The following CACNA1E variants were observed in gnomAD, a reference collection of about 807,000 sequenced individuals.
The protein encoded by CACNA1E is voltage-dependent R-type calcium channel subunit alpha-1E.
In CACNA1E, 40 loss-of-function variants were observed where a neutral mutation model predicts 259.2. That is an observed-to-expected ratio of 0.15 (90% CI 0.12 to 0.20). The LOEUF (loss-of-function observed/expected upper bound fraction) is 0.20. Ranked by LOEUF, CACNA1E falls within the 10% of genes least tolerant of loss-of-function variation. The pLI, the probability that CACNA1E is intolerant of heterozygous loss-of-function variation, is 1.00. For synonymous variants in CACNA1E, 1,104 were observed against 1,138.5 expected, an observed-to-expected ratio of 0.97 and a Z score of 0.61; for missense variants, 1,874 against 3,040.1, an observed-to-expected ratio of 0.62 and a Z score of 9.02.
At chr1:181,351,468 A>C (rs900104564) in intron 1 of CACNA1E, among the ~76,000 whole-genome samples, 4 of 152,210 alleles carry the variant, frequency 2.6e-5, no homozygotes, top group Non-Finnish European at 4.4e-5. Context: ...TGGATGTTGT[A>C]TTCATTTCCT....
chr1:181,369,328 C>T (rs527552091), intron 1 of CACNA1E, among the ~76,000 whole-genome samples: 73 of 152,226 alleles, frequency 4.8e-4, no homozygotes, highest in Non-Finnish European at 9.0e-4. Context: ...TCTTCGGGCT[C>T]TGTTTCTTGG....
chr1:181,721,197 T>C (rs1010163996), intron 15 of CACNA1E, among the ~76,000 whole-genome samples: 1 of 152,192 alleles, frequency 6.6e-6, no homozygotes, highest in Non-Finnish European at 1.5e-5. Flanking sequence ...TAATGAGGTA[T>C]CCATTAAATG....
chr1:181,663,751 A>G (rs1647921569), intron 7 of CACNA1E, among the ~76,000 whole-genome samples: 1 of 152,248 alleles, frequency 6.6e-6, no homozygotes, highest in East Asian at 1.9e-4. Context: ...ACAGACAAGT[A>G]ATTATGATAG....
Position 181,442,334 on chromosome 1 carries a change from G to A in CACNA1E, c.434+28754G>A, listed in dbSNP as rs142582639. The stretch of plus-strand genomic sequence containing the variant: ...GAGGGGCCAGGTGTGATGGGCACAG[G>A]TATGAGGGACAGGTGTGAGGGACAC... On this transcript the variant is annotated intron_variant, in intron 2 of 11. Coordinates refer to the CACNA1E transcript ENST00000524607. Among the ~76,000 whole-genome samples the A allele has an allele frequency of 2.3e-4, 34 of 149,738 alleles. No homozygotes were observed. The East Asian group carries it at 6.6e-3, about 29-fold the overall frequency.
intron 2 of CACNA1E, among the ~76,000 whole-genome samples, chr1:181,417,161 A>G (rs1658333010): frequency 6.6e-6 from 1 of 152,082 alleles, no homozygotes. Context: ...ATCTTACTGC[A>G]TCCACAAGAC....
At position 181,783,719 on chromosome 1, in the gene CACNA1E, C is replaced by T. The variant is rs750198669; in HGVS notation, c.5405C>T (p.Thr1802Met). 3.1e-6 allele frequency: 5 copies of T among 1,612,064 alleles called. No individual in the cohort carries two copies. The highest frequency in any genetic ancestry group is 4.2e-6 in the Non-Finnish European group (5 of 1,178,860). The change falls in exon 40 of 48, where the codon ACG becomes ATG. Residue 1802 changes from threonine to methionine, a missense_variant. Physicochemically the swap from Thr to Met is moderately conservative, Grantham distance 81 (BLOSUM62 -1). Coordinates refer to ENST00000367573, the MANE Select transcript of CACNA1E (RefSeq NM_001205293.3). Reference protein sequence around the residue: ...LMNMPVAEDMTVHFTSTLMAL... With the variant: ...LMNMPVAEDMMVHFTSTLMAL... ...AACATGCCAGTAGCTGAGGACATGACGGTCCACTTCACCTCCACACTTATG... is the reference window on the plus strand; with the variant it reads ...AACATGCCAGTAGCTGAGGACATGATGGTCCACTTCACCTCCACACTTATG...
intron 6 of CACNA1E, among the ~76,000 whole-genome samples, chr1:181,635,331 A>G (rs1285528416): frequency 6.6e-6 from 1 of 152,032 alleles, no homozygotes; most frequent in Non-Finnish European, 1.5e-5. Context: ...GAGATCATGA[A>G]CCCATTTGAT....
Position 181,776,033 on chromosome 1 carries a change from C to G in CACNA1E, c.5140-68C>G. The G allele has an allele frequency of 6.7e-7, 1 of 1,482,928 alleles. No homozygotes were observed. Among genetic ancestry groups the G allele is most frequent in the Non-Finnish European group, 9.2e-7 (1 of 1,081,712 alleles). The allele number at this position is 1,482,928 out of a possible 1,614,324, so 91.9% of individuals were successfully genotyped here. On this transcript the variant is annotated intron_variant, in intron 37 of 47. Coordinates refer to ENST00000367573, the MANE Select transcript of CACNA1E (RefSeq NM_001205293.3). This position sits in a 1 kb window ranked among gnomAD's most constrained non-coding sequence, Gnocchi z 4.4. ...AACACCCTCCTCCATGCCCTGAAGC[C>G]TGTTCTTCTGCTTCCTGAGCTCTGC... is the stretch of plus-strand genomic sequence containing the variant.
At chr1:181,635,259 C>G (rs933419232) in intron 6 of CACNA1E, among the ~76,000 whole-genome samples, 1 of 152,126 alleles carries the variant, frequency 6.6e-6, no homozygotes, top group Non-Finnish European at 1.5e-5. Flanking sequence ...GTCTGATGCC[C>G]GGTCATCCTA....
rs765258063 is a variant in CACNA1E, at chr1:181,758,722, T to G, written c.4495-36T>G. The stretch of plus-strand genomic sequence containing the variant: ...TGTATTCCCCCTCTTACCTTAAGGC[T>G]GTGATTCTTTCTCTCTTCTTTTTTC... On this transcript the variant is annotated intron_variant, in intron 31 of 47. Transcript: ENST00000367573. The surrounding 1 kb of genome is among the most constrained non-coding windows in gnomAD (Gnocchi z 4.2). 1.7e-6 allele frequency: 2 copies of G among 1,203,132 alleles called. No individual in the cohort carries two copies. The highest frequency in any genetic ancestry group is 2.5e-6 in the Non-Finnish European group (2 of 811,344). 74.5% of individuals were successfully genotyped at this position (1,203,132 alleles called of 1,614,324 possible). A position where few individuals can be genotyped will look rare whatever the true frequency, so the allele number is the denominator to read the frequency against.
intron 1 of CACNA1E, among the ~76,000 whole-genome samples, chr1:181,401,870 G>A (rs754002564): frequency 1.3e-5 from 2 of 152,192 alleles, no homozygotes; most frequent in Non-Finnish European, 2.9e-5. Flanking sequence ...CTGCCTGGCT[G>A]TTAAGTGGCC....
At chr1:181,646,828 C>T (rs1018315802) in intron 6 of CACNA1E, among the ~76,000 whole-genome samples, 6 of 152,210 alleles carry the variant, frequency 3.9e-5, no homozygotes, top group East Asian at 1.9e-4. Context: ...TGCCTGTTTA[C>T]GCAGGGAGTG....
intron 6 of CACNA1E, among the ~76,000 whole-genome samples, chr1:181,596,471 G>A (rs1001233667): frequency 1.3e-5 from 2 of 150,996 alleles, no homozygotes; most frequent in Middle Eastern, 3.5e-3. Flanking sequence ...AAGGAAGAAC[G>A]TCGTTGGGGC....
intron 6 of CACNA1E, among the ~76,000 whole-genome samples, chr1:181,609,653 A>C (rs1006376635): frequency 6.6e-6 from 1 of 152,218 alleles, no homozygotes; most frequent in Non-Finnish European, 1.5e-5. Context: ...AAAATTGCTA[A>C]TAAACCAATG....
chr1:181,638,930 A>G (rs1180126909), intron 6 of CACNA1E, among the ~76,000 whole-genome samples: 1 of 152,188 alleles, frequency 6.6e-6, no homozygotes, highest in African/African-American at 2.4e-5. Flanking sequence ...CTCTTTCCTT[A>G]TAAATTGCCT....
At chr1:181,583,759 A>C (rs920145438) in intron 6 of CACNA1E, among the ~76,000 whole-genome samples, 35 of 152,144 alleles carry the variant, frequency 2.3e-4, no homozygotes, top group African/African-American at 8.2e-4. Flanking sequence ...TGCTTCATTT[A>C]GTCTCTATCC....
At chr1:181,454,166 C>G (rs1350442029) in intron 2 of CACNA1E, among the ~76,000 whole-genome samples, 1 of 152,080 alleles carries the variant, frequency 6.6e-6, no homozygotes, top group Non-Finnish European at 1.5e-5. Context: ...GATCAAGGAC[C>G]ACAGCTGTGG....
At chr1:181,745,447 C>T (rs1656988729) in intron 25 of CACNA1E, 1 of 413,658 alleles carries the variant, frequency 2.4e-6, no homozygotes, top group Non-Finnish European at 4.6e-6. Flanking sequence ...GAACACTGCC[C>T]CATCCACACG....
At chr1:181,477,190 C>T (rs1662914637) in intron 2 of CACNA1E, among the ~76,000 whole-genome samples, 1 of 150,814 alleles carries the variant, frequency 6.6e-6, no homozygotes, top group African/African-American at 2.4e-5. Flanking sequence ...ATTCATGCTG[C>T]AGGCTGCTGC....
Sources: allele counts gnomAD v4.1 joint callset (sites outside exome capture counted in the v4.1 genomes callset), GRCh38; gene constraint gnomAD v4.1.1; non-coding constraint Gnocchi (gnomAD v3.1); transcripts MANE v1.5; gene names NCBI Gene and HGNC (gene_info 2026-07-23, HGNC 2026-07-21).